CTR9: variants seen among roughly 807,000 people sequenced by gnomAD.
CTR9 encodes the protein RNA polymerase-associated protein CTR9 homolog.
CTR9 carries 41 observed loss-of-function variants against 152.1 expected under a neutral mutation model. That is an observed-to-expected ratio of 0.27 (90% confidence interval 0.21 to 0.35). The LOEUF (loss-of-function observed/expected upper bound fraction) is 0.35. Ranked by LOEUF, CTR9 falls within the 10% of genes least tolerant of loss-of-function variation. The probability of loss-of-function intolerance (pLI) is 1.00; values close to 1 mark genes in which losing one functional copy is unlikely to be tolerated. For synonymous variants in CTR9, 476 were observed against 496.2 expected (o/e 0.96, Z 0.54); for missense variants, 917 against 1,424.4 (o/e 0.64, Z 5.73).
chr11:10,757,770 C>T (rs1862909211), intron 5 of CTR9, among the ~76,000 whole-genome samples: 1 of 152,098 alleles, frequency 6.6e-6, no homozygotes, highest in Non-Finnish European at 1.5e-5. Flanking sequence ...GTCCAGTTTT[C>T]AGTGGGCAAG....
chr11:10,752,539 AT>A (rs1862821360), intron 1 of CTR9, 132 bp from the exon 2 acceptor site: 3 of 640,214 alleles, frequency 4.7e-6, no homozygotes, highest in Admixed American at 2.6e-5. Flanking sequence ...ATTAACATGG[AT>A]TAGCTCAACC....
At chr11:10,752,844 A>G in intron 2 of CTR9, 74 bp downstream of exon 2, 11 of 1,181,014 alleles carry the variant, frequency 9.3e-6, no homozygotes, top group South Asian at 3.7e-5. Flanking sequence ...CAGATATAGT[A>G]ATAGCCAGCT....
chr11:10,771,600 G>A lies in CTR9; in HGVS notation c.2428G>A (p.Ala810Thr), dbSNP rs1863144188. The A allele has an allele frequency of 6.2e-7, 1 of 1,612,242 alleles. No individual in the cohort carries two copies. The highest frequency in any genetic ancestry group is 2.2e-5 in the East Asian group (1 of 44,862). The change falls in exon 19 of 25, where the codon GCT becomes ACT. Residue 810 changes from alanine to threonine, a missense_variant. Transcript: ENST00000361367. ...GDKMRFDLALAATEARQCSDL... is the reference protein window; with the variant it reads ...GDKMRFDLALTATEARQCSDL... ...TAAAATGAGATTTGATTTGGCCCTT[G>A]CTGCTACAGAAGCCAGGTAATGTTA...
chr11:10,769,545 G>A (rs1372693013), intron 16 of CTR9, among the ~76,000 whole-genome samples: 4 of 152,162 alleles, frequency 2.6e-5, no homozygotes, highest in African/African-American at 9.7e-5. Flanking sequence ...TGCATATGGA[G>A]CTTCAGAGGT....
chr11:10,764,471 G>A (rs1365410978), intron 11 of CTR9, 35 bp downstream of exon 11: 1 of 1,378,272 alleles, frequency 7.3e-7, no homozygotes, highest in Non-Finnish European at 9.8e-7. Flanking sequence ...CTTTTATACT[G>A]AATCAAGTTG....
chr11:10,769,564 G>A (rs1863110386), intron 16 of CTR9, among the ~76,000 whole-genome samples: 2 of 152,172 alleles, frequency 1.3e-5, no homozygotes. Context: ...GTTGTGTTTT[G>A]TGAGGCTGGC....
chr11:10,764,740 T>A lies in CTR9; in HGVS notation c.1597+9T>A. 6.3e-7 allele frequency: 1 copy of A among 1,576,428 alleles called. No individual in the cohort carries two copies. Among genetic ancestry groups the A allele is most frequent in the Non-Finnish European group, 8.7e-7 (1 of 1,152,428 alleles). On this transcript the variant is annotated intron_variant, in intron 12 of 24. Coordinates refer to ENST00000361367, the MANE Select transcript of CTR9 (RefSeq NM_014633.5). ...TCCTAATTATGTTGACTGTAAGGAT[T>A]TTAAACTTCTTTATGTAATGAAATC...
At chr11:10,773,816 C>T (rs1390283721) in intron 21 of CTR9, among the ~76,000 whole-genome samples, 196 bp from the exon 22 acceptor site, 1 of 145,102 alleles carries the variant, frequency 6.9e-6, no homozygotes, top group Admixed American at 7.3e-5. Context: ...ACCCAAGAGG[C>T]AGAGGTTGCA....
intron 24 of CTR9, among the ~76,000 whole-genome samples, chr11:10,778,112 T>A (rs1863271154): frequency 6.6e-6 from 1 of 152,222 alleles, no homozygotes; most frequent in East Asian, 1.9e-4. Context: ...TTCCCTATCT[T>A]GAGCAAGTCT....
chr11:10,762,965 G>A (rs978049537), intron 7 of CTR9, among the ~76,000 whole-genome samples: 10 of 149,948 alleles, frequency 6.7e-5, no homozygotes, highest in African/African-American at 2.2e-4. Flanking sequence ...CCATGATGGC[G>A]CCACTGCACT....
intron 5 of CTR9, among the ~76,000 whole-genome samples, chr11:10,759,355 G>C (rs765580961): frequency 4.6e-5 from 7 of 152,310 alleles, no homozygotes; most frequent in South Asian, 4.2e-4. Flanking sequence ...AAGTAAAATA[G>C]GGACACAGAA....
chr11:10,758,587 C>T (rs1862922998), intron 5 of CTR9, among the ~76,000 whole-genome samples: 1 of 152,142 alleles, frequency 6.6e-6, no homozygotes, highest in Admixed American at 6.6e-5. Context: ...TTTGAAATAC[C>T]TTTTAGACAT....
intron 5 of CTR9, among the ~76,000 whole-genome samples, chr11:10,758,208 G>T (rs996226569): frequency 6.6e-6 from 1 of 152,184 alleles, no homozygotes; most frequent in African/African-American, 2.4e-5. Flanking sequence ...CCATTGGAGG[G>T]CCTTGGGCAG....
chr11:10,760,920 C>T (rs4258372), intron 6 of CTR9, among the ~76,000 whole-genome samples: 13,777 of 152,144 alleles, frequency 0.091, 767 homozygotes, highest in African/African-American at 0.15. Flanking sequence ...ATTATTACAT[C>T]GGTCTTATAA....
At position 10,751,329 on chromosome 11, in the gene CTR9, C is replaced by A; in HGVS notation, c.-84C>A. The A allele has an allele frequency of 1.4e-6, 2 of 1,435,340 alleles. No homozygotes were observed. The highest frequency in any genetic ancestry group is 2.0e-6 in the Non-Finnish European group (2 of 1,022,644). 88.9% of individuals were successfully genotyped at this position (1,435,340 alleles called of 1,614,324 possible). On this transcript the variant is annotated 5_prime_UTR_variant, in exon 1 of 25. Transcript: ENST00000361367. ...CAGTCAAGACCAGAGCCGGAGCCGT[C>A]ACTCACCTCTGGATTAGCCTGAAGC...
intron 24 of CTR9, among the ~76,000 whole-genome samples, chr11:10,776,292 G>C (rs1457650251): frequency 2.0e-5 from 3 of 152,066 alleles, no homozygotes; most frequent in African/African-American, 7.2e-5. Flanking sequence ...TCCGTGTTGA[G>C]AGAGGCTATT....
At chr11:10,778,469 T>A (rs1863276459) in intron 24 of CTR9, among the ~76,000 whole-genome samples, 1 of 152,246 alleles carries the variant, frequency 6.6e-6, no homozygotes. Flanking sequence ...TTATCTTTTT[T>A]TCCTTTTTAA....
chr11:10,762,837 C>A (rs1301869252), intron 7 of CTR9, among the ~76,000 whole-genome samples: 6 of 151,832 alleles, frequency 4.0e-5, no homozygotes, highest in Admixed American at 3.3e-4. Flanking sequence ...GACCTCATCT[C>A]TACAGAAATT....
rs1268886243 is a variant in CTR9 at position 10,764,855 on chromosome 11, T to G, written c.1597+124T>G. The G allele has an allele frequency of 8.4e-6, 7 of 831,038 alleles. No individual in the cohort carries two copies. In the East Asian group the frequency reaches 1.9e-4, roughly 22 times the overall value. The allele number at this position is 831,038 out of a possible 1,614,324, so 51.5% of individuals were successfully genotyped here. On this transcript the variant is annotated intron_variant, in intron 12 of 24. Transcript: ENST00000361367. ...TGTTTAAGGTTCTAATGTCCCCATT[T>G]CTCCAGGGCAAATTTGTGGCCTTAA...
Sources: allele counts gnomAD v4.1 joint callset (sites outside exome capture counted in the v4.1 genomes callset), GRCh38; gene constraint gnomAD v4.1.1; transcripts MANE v1.5; gene names NCBI Gene and HGNC (gene_info 2026-07-23, HGNC 2026-07-21).